ARMC3: variants seen among roughly 807,000 people sequenced by gnomAD.
The protein encoded by ARMC3 is armadillo repeat containing 3.
Under a neutral mutation model 90.3 loss-of-function variants are expected in ARMC3, and 74 were observed. That is an observed-to-expected ratio of 0.82 (90% confidence interval 0.68 to 0.99). The LOEUF is 0.99. ARMC3 is among the 50% of genes least tolerant of loss of function. ARMC3 has a pLI of 0.00. For synonymous variants in ARMC3, 334 were observed against 361.8 expected (o/e 0.92, Z 0.87); for missense variants, 958 against 1,042.8 (o/e 0.92, Z 1.12).
chr10:23,028,334 A>G (rs150337744), intron 16 of ARMC3, among the ~76,000 whole-genome samples: 4 of 149,366 alleles, frequency 2.7e-5, no homozygotes, highest in Non-Finnish European at 5.9e-5. Flanking sequence ...TTATATTTTT[A>G]TGTCTTCTAT....
chr10:22,963,021 A>T (rs2131265271), intron 7 of ARMC3, among the ~76,000 whole-genome samples: 1 of 152,300 alleles, frequency 6.6e-6, no homozygotes, highest in East Asian at 1.9e-4. Flanking sequence ...TGAAACCAGA[A>T]ATGTTACTTA....
At chr10:22,949,304 A>G (rs2131202133) in intron 3 of ARMC3, among the ~76,000 whole-genome samples, 1 of 152,358 alleles carries the variant, frequency 6.6e-6, no homozygotes, top group East Asian at 1.9e-4. Context: ...ATAATAAGAT[A>G]TATATCAATG....
chr10:22,991,855 T>C (rs1399880123), intron 10 of ARMC3, among the ~76,000 whole-genome samples: 1 of 152,160 alleles, frequency 6.6e-6, no homozygotes, highest in Admixed American at 6.5e-5. Flanking sequence ...GTTAAGAAAA[T>C]CAACAACATG....
At chr10:22,978,140 C>T (rs1295152423) in intron 8 of ARMC3, among the ~76,000 whole-genome samples, 4 of 152,188 alleles carry the variant, frequency 2.6e-5, no homozygotes, top group Non-Finnish European at 5.9e-5. Flanking sequence ...TGCCTGGATT[C>T]TAGATTCTGC....
At chr10:22,982,251 G>A (rs968722910) in intron 10 of ARMC3, among the ~76,000 whole-genome samples, 14 of 152,280 alleles carry the variant, frequency 9.2e-5, no homozygotes, top group South Asian at 4.1e-4. Flanking sequence ...GGTGGCATGC[G>A]CCTGTAATCC....
Position 23,003,243 on chromosome 10 carries a change from C to T in ARMC3, c.1563-3C>T. On this transcript the variant is annotated splice_region_variant and splice_polypyrimidine_tract_variant and intron_variant, in intron 12 of 18. Coordinates refer to ENST00000298032, the MANE Select transcript of ARMC3 (RefSeq NM_173081.5). ...AAATAATGCTTTTTGCTTTTATTGACAGGGCTTTAGATATCCTTGAAGAAG... is the reference window on the plus strand; with the variant it reads ...AAATAATGCTTTTTGCTTTTATTGATAGGGCTTTAGATATCCTTGAAGAAG... 6.2e-7 allele frequency: 1 copy of T among 1,607,668 alleles called. No individual in the cohort carries two copies. The highest frequency in any genetic ancestry group is 8.5e-7 in the Non-Finnish European group (1 of 1,177,628).
At chr10:22,978,130 T>G (rs146046049) in intron 8 of ARMC3, among the ~76,000 whole-genome samples, 1 of 152,256 alleles carries the variant, frequency 6.6e-6, no homozygotes, top group South Asian at 2.1e-4. Context: ...CTCTTCCTCC[T>G]GCCTGGATTC....
At chr10:22,982,006 G>T (rs991484654) in intron 10 of ARMC3, among the ~76,000 whole-genome samples, 1 of 152,180 alleles carries the variant, frequency 6.6e-6, no homozygotes, top group Non-Finnish European at 1.5e-5. Context: ...AAATGTTAAA[G>T]ACAAGATCGG....
chr10:22,966,566 T>G (rs528341269), intron 7 of ARMC3, among the ~76,000 whole-genome samples: 2 of 152,338 alleles, frequency 1.3e-5, no homozygotes, highest in African/African-American at 4.8e-5. Flanking sequence ...ACCAACAGGA[T>G]GCATGTATAT....
At chr10:22,977,094 G>T (rs541784609) in intron 8 of ARMC3, among the ~76,000 whole-genome samples, 97 of 152,252 alleles carry the variant, frequency 6.4e-4, no homozygotes, top group Admixed American at 2.3e-3. Context: ...TCTGGTTTGG[G>T]CCTTTTGTCT....
chr10:22,960,599 A>G (rs1211764837), intron 6 of ARMC3: 2 of 152,168 alleles, frequency 1.3e-5, no homozygotes, highest in African/African-American at 2.4e-5. Flanking sequence ...TTAAATCCCA[A>G]GACTCCTTAG....
Position 22,960,632 on chromosome 10 carries a change from A to C in ARMC3, c.537+1058A>C, listed in dbSNP as rs1349362327. On this transcript the variant is annotated intron_variant, in intron 6 of 18. Transcript: ENST00000298032. ...TAGAGCAGTATTTCTCTATTGTCTT[A>C]AGAAGAAATCAAAATGATTACCTCA... The C allele has an allele frequency of 3.9e-5, 6 of 152,212 alleles. No individual in the cohort carries two copies. The East Asian group carries it at 1.2e-3, about 29-fold the overall frequency. 9.4% of individuals were successfully genotyped at this position (152,212 alleles called of 1,614,324 possible).
Position 23,037,570 on chromosome 10 carries a change from T to A in ARMC3, c.*91T>A, listed in dbSNP as rs1839169020. The A allele has an allele frequency of 2.7e-6, 3 of 1,102,622 alleles. No homozygotes were observed. Among genetic ancestry groups the A allele is most frequent in the African/African-American group, 1.6e-5 (1 of 63,094 alleles). The allele number at this position is 1,102,622 out of a possible 1,614,324, so 68.3% of individuals were successfully genotyped here. A position where few individuals can be genotyped will look rare whatever the true frequency, so the allele number is the denominator to read the frequency against. ...TCCAAATTGATTTTATCTCTTTAAA[T>A]AAAAACTTTAAATAAAAGTATTAGA... On this transcript the variant is annotated 3_prime_UTR_variant, in exon 19 of 19. Coordinates refer to ENST00000298032, the MANE Select transcript of ARMC3 (RefSeq NM_173081.5).
At chr10:22,951,963 T>C (rs879513481) in intron 3 of ARMC3, among the ~76,000 whole-genome samples, 1 of 152,018 alleles carries the variant, frequency 6.6e-6, no homozygotes, top group Non-Finnish European at 1.5e-5. Context: ...ACCCTGTCTC[T>C]ACCAAAATAC....
chr10:23,017,767 A>AAAAAC (rs933078658), intron 16 of ARMC3, among the ~76,000 whole-genome samples: 212 of 152,380 alleles, frequency 1.4e-3, no homozygotes, highest in African/African-American at 4.6e-3. Flanking sequence ...CTTCGTCTCA[A>AAAAAC]AAAACAAAAC....
intron 7 of ARMC3, among the ~76,000 whole-genome samples, chr10:22,964,804 G>A (rs569526647): frequency 1.7e-4 from 25 of 150,570 alleles, no homozygotes; most frequent in Middle Eastern, 3.4e-3. Flanking sequence ...CTTTTTTGCC[G>A]TATTTCTTTG....
At chr10:22,960,984 G>A (rs1835165344) in intron 6 of ARMC3, 1 of 152,192 alleles carries the variant, frequency 6.6e-6, no homozygotes. Flanking sequence ...CTTACTCCAG[G>A]ATGACCTCAT....
chr10:23,008,302 A>G lies in ARMC3; in HGVS notation c.1856A>G (p.Lys619Arg), dbSNP rs1837728203. Residue 619 changes from lysine (K) to arginine (R), a missense_variant, in exon 15 of 19, where the codon AAA becomes AGA. Transcript: ENST00000298032. ...TCTCCACCTTCATCTATGGAAGATAAATCAGATGTTGGTTATGGACGAAGT... is the reference window on the plus strand; with the variant it reads ...TCTCCACCTTCATCTATGGAAGATAGATCAGATGTTGGTTATGGACGAAGT... ...YVSPPSSMED[K>R]SDVGYGRSIS... The G allele has an allele frequency of 1.9e-6, 3 of 1,550,214 alleles. No individual in the cohort carries two copies. The highest frequency in any genetic ancestry group is 2.6e-6 in the Non-Finnish European group (3 of 1,136,684).
chr10:23,002,652 G>C (rs1302995951), intron 12 of ARMC3, among the ~76,000 whole-genome samples: 1 of 147,178 alleles, frequency 6.8e-6, no homozygotes, highest in Non-Finnish European at 1.5e-5. Context: ...CCAGGCTAAA[G>C]TGCAGTGGTG....
Sources: gnomAD v4.1 joint callset for allele counts (sites outside exome capture counted in the v4.1 genomes callset) on GRCh38, gnomAD v4.1.1 for gene constraint, MANE v1.5 for transcripts, NCBI Gene and HGNC (gene_info 2026-07-23, HGNC 2026-07-21) for gene names.